The following DNAH12 variants were observed in gnomAD, a reference collection of about 807,000 sequenced individuals.
DNAH12 encodes the protein dynein axonemal heavy chain 12, also known as axonemal beta dynein heavy chain 12.
Under a neutral mutation model 371.5 loss-of-function variants are expected in DNAH12, and 285 were observed. The ratio of observed to expected loss-of-function variants is 0.77; its 90% CI spans 0.70 to 0.85. The LOEUF (loss-of-function observed/expected upper bound fraction) is 0.85, where lower values mean the gene tolerates loss of function less well. DNAH12 is among the 40% of genes least tolerant of loss of function. The probability of loss-of-function intolerance (pLI) is 0.00; values close to 1 mark genes in which losing one functional copy is unlikely to be tolerated. For synonymous variants in DNAH12, 1,200 were observed against 1,213.0 expected, an observed-to-expected ratio of 0.99 and a Z score of 0.22; for missense variants, 3,611 against 3,689.4, an observed-to-expected ratio of 0.98 and a Z score of 0.55.
In DNAH12 at chr3:57,425,125, C is replaced by T. The variant is rs1324934418; in HGVS notation, c.5270G>A (p.Ser1757Asn). 7.1e-6 allele frequency: 5 copies of T among 702,116 alleles called. No individual in the cohort carries two copies. The highest frequency in any genetic ancestry group is 1.3e-5 in the Non-Finnish European group (5 of 384,756). 43.5% of individuals were successfully genotyped at this position (702,116 alleles called of 1,614,324 possible). Residue 1757 changes from serine (S) to asparagine (N), a missense_variant, in exon 35 of 74, where the codon AGC (serine) becomes AAC (asparagine). This residue lies in a region of DNAH12 where 2,266 missense variants were observed against 2,236.9 expected (regional missense o/e 1.01). Transcript: ENST00000495027. ...GAGAGATACAACCACGTTGCTGTTG[C>T]TTGTAGGAATCAGTTCCTGCAAGGT... ...KKKCKELIPT[S>N]NSNVVVSLTR...
intron 30 of DNAH12, among the ~76,000 whole-genome samples, chr3:57,435,613 A>G (rs955599471): frequency 8.5e-5 from 13 of 152,120 alleles, no homozygotes; most frequent in African/African-American, 2.9e-4. Flanking sequence ...TTTACTGACC[A>G]AAAAAACTGT....
At chr3:57,479,181 C>T (rs1226122211) in intron 13 of DNAH12, among the ~76,000 whole-genome samples, 1 of 152,090 alleles carries the variant, frequency 6.6e-6, no homozygotes, top group East Asian at 1.9e-4. Flanking sequence ...AAACCCATCT[C>T]ACGTGCAGAG....
intron 2 of DNAH12, among the ~76,000 whole-genome samples, chr3:57,531,301 A>G (rs2068837936): frequency 6.6e-6 from 1 of 152,176 alleles, no homozygotes; most frequent in Non-Finnish European, 1.5e-5. Context: ...GCAGTAGTCT[A>G]AGGTTCCTTC....
In DNAH12 at chr3:57,445,128, TTATC is replaced by T. The variant is rs754554078; in HGVS notation, c.4425+42_4425+45del. 2.7e-6 allele frequency: 4 copies of T among 1,475,324 alleles called. No individual in the cohort carries two copies. In the East Asian group the frequency reaches 1.0e-4, roughly 37 times the overall value. The allele number at this position is 1,475,324 out of a possible 1,614,324, so 91.4% of individuals were successfully genotyped here. ...TCCTGATTAACCTCACTAAAGAAAA[TTATC>T]TTTCTACTGAAACTTTCCCAATGTG... is the stretch of plus-strand genomic sequence containing the variant. On this transcript the variant is annotated intron_variant, in intron 28 of 73. Transcript: ENST00000495027.
chr3:57,335,071 C>T, intron 60 of DNAH12, 131 bp from the exon 61 acceptor site: 2 of 960,260 alleles, frequency 2.1e-6, no homozygotes, highest in East Asian at 5.4e-5. Context: ...AACTAGAAAA[C>T]TGGACAAAAT....
intron 37 of DNAH12, among the ~76,000 whole-genome samples, chr3:57,416,533 T>G (rs767205999): frequency 9.2e-5 from 14 of 152,214 alleles, no homozygotes; most frequent in Admixed American, 3.9e-4. Flanking sequence ...AAGAGTTGTA[T>G]TTGTACTTTT....
At chr3:57,339,139 G>T (rs554172540) in intron 60 of DNAH12, among the ~76,000 whole-genome samples, 5 of 152,204 alleles carry the variant, frequency 3.3e-5, no homozygotes, top group African/African-American at 1.2e-4. Flanking sequence ...GATTAAGGGC[G>T]GTGCAAGATG....
intron 62 of DNAH12, among the ~76,000 whole-genome samples, chr3:57,324,870 T>C (rs1273387737): frequency 6.6e-6 from 1 of 152,208 alleles, no homozygotes; most frequent in Non-Finnish European, 1.5e-5. Flanking sequence ...TCCCACCCAA[T>C]ACTGCGCTTT....
chr3:57,308,783 G>A (rs1170460687), intron 69 of DNAH12, among the ~76,000 whole-genome samples: 1 of 152,146 alleles, frequency 6.6e-6, no homozygotes, highest in African/African-American at 2.4e-5. Flanking sequence ...CTAATTAGAT[G>A]TCCTAGGTCC....
At chr3:57,539,354 C>T (rs939358187) in intron 2 of DNAH12, among the ~76,000 whole-genome samples, 2 of 152,218 alleles carry the variant, frequency 1.3e-5, no homozygotes, top group African/African-American at 4.8e-5. Flanking sequence ...CCATCTTCAC[C>T]TGATACTACC....
chr3:57,478,071 G>A (rs1043624300), intron 13 of DNAH12, among the ~76,000 whole-genome samples: 13 of 152,208 alleles, frequency 8.5e-5, no homozygotes, highest in South Asian at 2.1e-4. Flanking sequence ...AAAGCTGGAC[G>A]GAGAATGACT....
intron 65 of DNAH12, among the ~76,000 whole-genome samples, chr3:57,315,445 C>A (rs2061665588): frequency 6.7e-6 from 1 of 149,842 alleles, no homozygotes; most frequent in South Asian, 2.1e-4. Flanking sequence ...TGAAACATTT[C>A]ATAGGGGAAG....
At chr3:57,388,400 C>G (rs1199370089) in intron 45 of DNAH12, among the ~76,000 whole-genome samples, 1 of 151,986 alleles carries the variant, frequency 6.6e-6, no homozygotes, top group Non-Finnish European at 1.5e-5. Context: ...CATTTAGTTT[C>G]AATAATATGC....
At chr3:57,455,614 T>C (rs1042214962) in intron 22 of DNAH12, among the ~76,000 whole-genome samples, 1 of 152,138 alleles carries the variant, frequency 6.6e-6, no homozygotes, top group Non-Finnish European at 1.5e-5. Context: ...AAATAGATTA[T>C]GTATATTGAT....
At chr3:57,551,429 G>A in the DNAH12 span, among the ~76,000 whole-genome samples, 18 of 151,046 alleles carry the variant, frequency 1.2e-4, no homozygotes, top group Admixed American at 3.3e-4. Flanking sequence ...CCACGACCAC[G>A]CCCTGCTAAT....
chr3:57,357,569 A>C (rs1440471393), intron 58 of DNAH12, among the ~76,000 whole-genome samples: 4 of 152,170 alleles, frequency 2.6e-5, no homozygotes, highest in African/African-American at 9.6e-5. Flanking sequence ...AAGGGGAAGG[A>C]GAGAAAGGAG....
intron 13 of DNAH12, among the ~76,000 whole-genome samples, chr3:57,473,180 GT>G (rs2066417079): frequency 6.6e-6 from 1 of 152,020 alleles, no homozygotes; most frequent in African/African-American, 2.4e-5. Context: ...GTATGTAATA[GT>G]TCAGAAAGAG....
In DNAH12 at chr3:57,309,104, A is replaced by G. The variant is rs375773520; in HGVS notation, c.11189+47T>C. On this transcript the variant is annotated intron_variant, in intron 69 of 73. Coordinates refer to ENST00000495027, the MANE Select transcript of DNAH12 (RefSeq NM_001366028.2). ...ACACTATTTTATTTTTCTTATTAAT[A>G]TAAGAAGACAGTTGCCTTCTGAATC... 4.3e-6 allele frequency: 6 copies of G among 1,385,170 alleles called. No homozygotes were observed. The African/African-American group carries it at 5.9e-5, about 14-fold the overall frequency. The allele number at this position is 1,385,170 out of a possible 1,614,324, so 85.8% of individuals were successfully genotyped here. A position where few individuals can be genotyped will look rare whatever the true frequency, so the allele number is the denominator to read the frequency against.
chr3:57,554,143 C>CGGGCGTAGTGGCGGGCGCCTGT, the DNAH12 span, among the ~76,000 whole-genome samples: 106 of 138,774 alleles, frequency 7.6e-4, 2 homozygotes, highest in African/African-American at 1.1e-3. Context: ...AAAAATTAGC[C>CGGGCGTAGTGGCGGGCGCCTGT]AGACATGGCA....
Sources: gnomAD v4.1 joint callset for allele counts (sites outside exome capture counted in the v4.1 genomes callset) on GRCh38, gnomAD v4.1.1 for gene constraint, gnomAD v4.1.1 regional missense constraint, MANE v1.5 for transcripts, NCBI Gene and HGNC (gene_info 2026-07-23, HGNC 2026-07-21) for gene names.